LAMA4: variants seen among roughly 807,000 people sequenced by gnomAD.
The protein encoded by LAMA4 is laminin subunit alpha 4.
Under a neutral mutation model 207.1 loss-of-function variants are expected in LAMA4, and 127 were observed. The ratio of observed to expected loss-of-function variants is 0.61; its 90% CI spans 0.53 to 0.71. The LOEUF (loss-of-function observed/expected upper bound fraction) is 0.71, where lower values mean the gene tolerates loss of function less well. Among genes scored for constraint, LAMA4 ranks in the 30% least tolerant of loss-of-function variants. LAMA4 has a pLI of 0.00. For synonymous variants in LAMA4, 761 were observed against 816.0 expected (o/e 0.93, Z 1.15); for missense variants, 2,093 against 2,246.5 (o/e 0.93, Z 1.38).
intron 4 of LAMA4, among the ~76,000 whole-genome samples, chr6:112,203,814 T>C (rs60315490): frequency 0.073 from 11,079 of 152,208 alleles, 1,291 homozygotes; most frequent in African/African-American, 0.25. Flanking sequence ...CAGTAGGTTT[T>C]TCAACCTCGA....
rs1023983504 is a variant in LAMA4 at position 112,207,642 on chromosome 6, A to G, written c.298-497T>C. Among the ~76,000 whole-genome samples, 44 of 152,008 alleles carry G rather than the reference A, an allele frequency of 2.9e-4. 1 individual carries two copies. In the East Asian group the frequency reaches 5.2e-3, roughly 18 times the overall value. ...TGTCAGACTGTAGTATAAATGGAGT[A>G]GAAGGTAGATAAAGAGCATTCTGCT... On this transcript the variant is annotated intron_variant, in intron 3 of 38. Transcript: ENST00000230538.
intron 31 of LAMA4, among the ~76,000 whole-genome samples, chr6:112,122,919 G>A (rs782000728): frequency 6.6e-6 from 1 of 152,244 alleles, no homozygotes; most frequent in Admixed American, 6.5e-5. Context: ...AGAAGTAAAG[G>A]GGAAGGAAAT....
intron 2 of LAMA4, among the ~76,000 whole-genome samples, chr6:112,220,269 C>T (rs1459073926): frequency 1.3e-5 from 2 of 152,162 alleles, no homozygotes; most frequent in Admixed American, 6.6e-5. Flanking sequence ...ATTATCACAG[C>T]TTGCCTCCTG....
At chr6:112,145,733 CA>C in intron 18 of LAMA4, among the ~76,000 whole-genome samples, 1 of 152,262 alleles carries the variant, frequency 6.6e-6, no homozygotes, top group South Asian at 2.1e-4. Context: ...AAGCCCAAAG[CA>C]CAGTTTGTTT....
Position 112,129,084 on chromosome 6 carries a change from G to T in LAMA4, c.4134-9C>A, listed in dbSNP as rs782699639. The stretch of plus-strand genomic sequence containing the variant: ...CCACATCTCTATCCACCCTGTGTTT[G>T]TAACAGAGGAAAAAATAAATATTAA... On this transcript the variant is annotated splice_polypyrimidine_tract_variant and intron_variant, in intron 30 of 38. Transcript: ENST00000230538. The T allele has an allele frequency of 1.2e-6, 2 of 1,603,250 alleles. No individual in the cohort carries two copies. Among genetic ancestry groups the T allele is most frequent in the African/African-American group, 2.7e-5 (2 of 74,596 alleles).
chr6:112,112,855 A>G (rs1490145876), intron 38 of LAMA4, among the ~76,000 whole-genome samples: 1 of 152,162 alleles, frequency 6.6e-6, no homozygotes, highest in African/African-American at 2.4e-5. Flanking sequence ...GTCTGTCTTT[A>G]TGGGTCAGTT....
chr6:112,150,639 C>T lies in LAMA4; in HGVS notation c.2057-12G>A, dbSNP rs1554335569. 1 of 1,597,020 alleles carries T rather than the reference C, an allele frequency of 6.3e-7. No individual in the cohort carries two copies. The highest frequency in any genetic ancestry group is 2.2e-5 in the East Asian group (1 of 44,792). ...TGCTTCATCACTGCCTGTGGAAGAG[C>T]AGCAGAAAGAAGTACTAGTGGAGCC... On this transcript the variant is annotated splice_polypyrimidine_tract_variant and intron_variant, in intron 16 of 38. Transcript: ENST00000230538.
intron 36 of LAMA4, among the ~76,000 whole-genome samples, 194 bp from the exon 37 acceptor site, chr6:112,114,950 CA>C (rs1433816567): frequency 6.6e-6 from 1 of 152,004 alleles, no homozygotes. Context: ...GGGGAGAGAA[CA>C]AAGTGACTTC....
intron 3 of LAMA4, among the ~76,000 whole-genome samples, chr6:112,211,140 AG>A (rs1482802166): frequency 1.3e-5 from 2 of 152,174 alleles, no homozygotes; most frequent in Non-Finnish European, 2.9e-5. Flanking sequence ...CTGCATCCTG[AG>A]GGTCTGCATT....
chr6:112,222,714 C>A (rs969919633), intron 2 of LAMA4, among the ~76,000 whole-genome samples: 4 of 152,206 alleles, frequency 2.6e-5, no homozygotes, highest in Non-Finnish European at 5.9e-5. Flanking sequence ...AAATAACAGT[C>A]CCTGAACCCT....
At chr6:112,170,659 A>G (rs1781660102) in intron 12 of LAMA4, among the ~76,000 whole-genome samples, 1 of 152,220 alleles carries the variant, frequency 6.6e-6, no homozygotes, top group Non-Finnish European at 1.5e-5. Flanking sequence ...CTGAGTTGTT[A>G]CTTTGTGTCA....
At position 112,140,795 on chromosome 6, in the gene LAMA4, C is replaced by T; in HGVS notation, c.2941G>A (p.Val981Met). ...SLLDLDPEDT[V>M]FYVGGVPSNF... ...GAAGGCACTCCACCAACATAAAACA[C>T]TGTGTCCTCAGGGTCCAGGTCCAGC... The change falls in exon 22 of 39, where the codon GTG becomes ATG. Residue 981 changes from valine to methionine, a missense_variant. Around this residue, in one of 3 missense-constraint regions of LAMA4, gnomAD observed 1,704 missense variants for 1,788.4 expected, o/e 0.95. Coordinates refer to ENST00000230538, the MANE Select transcript of LAMA4 (RefSeq NM_001105206.3). 6.2e-7 allele frequency: 1 copy of T among 1,614,070 alleles called. No homozygotes were observed. Among genetic ancestry groups the T allele is most frequent in the Non-Finnish European group, 8.5e-7 (1 of 1,179,982 alleles).
rs587617057 is a variant in LAMA4 at position 112,118,498 on chromosome 6, T to C, written c.4822-600A>G. ...TCTTTTTTGCTTCATCTACATATAT[T>C]AATAGGTCTTAGAAATTATTTTTAA... On this transcript the variant is annotated intron_variant, in intron 34 of 38. Transcript: ENST00000230538. This position sits in a 1 kb window ranked among gnomAD's most constrained non-coding sequence, Gnocchi z 4.6. Among the ~76,000 whole-genome samples, 1 of 152,338 alleles carries C rather than the reference T, an allele frequency of 6.6e-6. No homozygotes were observed. The highest frequency in any genetic ancestry group is 2.4e-5 in the African/African-American group (1 of 41,582).
At chr6:112,128,847 TA>T in intron 31 of LAMA4, 74 bp downstream of exon 31, 1 of 1,319,780 alleles carries the variant, frequency 7.6e-7, no homozygotes, top group Non-Finnish European at 1.1e-6. Flanking sequence ...GTCAATTCTC[TA>T]AAACAGCAGT....
rs200864778 is a variant in LAMA4, at chr6:112,133,494, A to G, written c.3558-7T>C. 9.7e-5 allele frequency: 156 copies of G among 1,613,576 alleles called. No individual in the cohort carries two copies. Among genetic ancestry groups the G allele is most frequent in the Admixed American group, 2.0e-4 (12 of 59,996 alleles). Reference sequence around the variant, plus strand: ...AAGGTGTGCTCTGAGGGCCCTGGAAAAGAAAGTCAGCCTCACTGATACAGC... The same window carrying G: ...AAGGTGTGCTCTGAGGGCCCTGGAAGAGAAAGTCAGCCTCACTGATACAGC... On this transcript the variant is annotated splice_region_variant and splice_polypyrimidine_tract_variant and intron_variant, in intron 26 of 38. Transcript: ENST00000230538.
chr6:112,154,413 C>CATCCTA (rs1475751583), intron 16 of LAMA4, among the ~76,000 whole-genome samples: 1 of 150,604 alleles, frequency 6.6e-6, no homozygotes, highest in Non-Finnish European at 1.5e-5. Context: ...GGTACCCTGT[C>CATCCTA]ATCCTAATTG....
chr6:112,150,563 G>A lies in LAMA4; in HGVS notation c.2121C>T (p.Ala707=), dbSNP rs1028923716. The change falls in exon 17 of 39, where the codon GCC becomes GCT. Residue 707 remains alanine, a synonymous_variant. Transcript: ENST00000230538. ...RVGGALARKS[A]LKTRLSDAVK... ...CGGCATCACTGAGTCTGGTTTTAAG[G>A]GCACTTTTCCTTGCTAGGGCTCCAC... is the stretch of plus-strand genomic sequence containing the variant. The A allele has an allele frequency of 2.5e-6, 4 of 1,613,854 alleles. No individual in the cohort carries two copies. The Admixed American group carries it at 6.7e-5, about 27-fold the overall frequency.
intron 11 of LAMA4, 85 bp downstream of exon 11, chr6:112,175,228 A>T (rs1186729133): frequency 2.3e-6 from 3 of 1,304,420 alleles, no homozygotes; most frequent in African/African-American, 1.5e-5. Flanking sequence ...CTTTGATTAT[A>T]TGTTGCCCTA....
intron 15 of LAMA4, 69 bp downstream of exon 15, chr6:112,155,496 A>AGAT: frequency 1.3e-6 from 2 of 1,542,198 alleles, no homozygotes; most frequent in Non-Finnish European, 9.0e-7. Flanking sequence ...GAAGTTCAAG[A>AGAT]GATGACATCA....
Sources: allele counts gnomAD v4.1 joint callset (sites outside exome capture counted in the v4.1 genomes callset), GRCh38; gene constraint gnomAD v4.1.1; regional missense constraint gnomAD v4.1.1; non-coding constraint Gnocchi (gnomAD v3.1); transcripts MANE v1.5; gene names NCBI Gene and HGNC (gene_info 2026-07-23, HGNC 2026-07-21).